Variants in FUT8 observed in about 807,000 individuals in gnomAD.
FUT8 encodes the protein alpha-(1,6)-fucosyltransferase.
A neutral mutation model predicts 71.3 loss-of-function variants in FUT8; 29 were observed. The observed-to-expected ratio is 0.41, with a 90% CI of 0.30 to 0.55. The LOEUF (loss-of-function observed/expected upper bound fraction) is 0.55. Ranked by LOEUF, FUT8 falls within the 20% of genes least tolerant of loss-of-function variation. The pLI is 0.34. For synonymous variants in FUT8, 254 were observed against 239.3 expected (o/e 1.06, Z -0.57); for missense variants, 544 against 702.1 (o/e 0.77, Z 2.55).
At chr14:65,632,727 C>T (rs1890258724) in intron 6 of FUT8, among the ~76,000 whole-genome samples, 2 of 151,830 alleles carry the variant, frequency 1.3e-5, no homozygotes, top group African/African-American at 4.9e-5. Context: ...TTAATTACCT[C>T]TGAGCTATTT....
chr14:65,679,989 G>A (rs1342723294), intron 7 of FUT8, among the ~76,000 whole-genome samples: 1 of 152,192 alleles, frequency 6.6e-6, no homozygotes, highest in Admixed American at 6.5e-5. Flanking sequence ...AGGAACCATT[G>A]TATATGGCCC....
chr14:65,581,462 C>T (rs1887084378), intron 3 of FUT8, among the ~76,000 whole-genome samples: 1 of 152,042 alleles, frequency 6.6e-6, no homozygotes, highest in African/African-American at 2.4e-5. Context: ...TATGATGGGA[C>T]TGAGGTTCAG....
Position 65,742,397 on chromosome 14 carries a change from A to C in FUT8, c.1715A>C (p.Glu572Ala). The change falls in exon 11 of 11, where the codon GAG becomes GCG. Residue 572 changes from glutamate to alanine, a missense_variant. Physicochemically the swap from Glu to Ala is moderately radical, Grantham distance 107 (BLOSUM62 -1). Coordinates refer to ENST00000673929, the MANE Select transcript of FUT8 (RefSeq NM_001371533.1). ...ACGGTCAAGTACCCCACATATCCTGAGGCTGAGAAATAAAGCTCAGATGGA... is the reference window on the plus strand; with the variant it reads ...ACGGTCAAGTACCCCACATATCCTGCGGCTGAGAAATAAAGCTCAGATGGA... ...IETVKYPTYP[E>A]AEK 6.2e-7 allele frequency: 1 copy of C among 1,610,738 alleles called. No individual in the cohort carries two copies. The highest frequency in any genetic ancestry group is 1.7e-5 in the Admixed American group (1 of 59,702).
Position 65,513,184 on chromosome 14 carries a change from A to G in FUT8, c.-227-48153A>G, listed in dbSNP as rs114910364. Among the ~76,000 whole-genome samples, 1,075 of 152,296 alleles carry G rather than the reference A, an allele frequency of 7.1e-3. 12 individuals carry two copies. Among genetic ancestry groups the G allele is most frequent in the African/African-American group, 0.023 (971 of 41,570 alleles). On this transcript the variant is annotated intron_variant, in intron 2 of 10. Coordinates refer to ENST00000673929, the MANE Select transcript of FUT8 (RefSeq NM_001371533.1). Reference sequence around the variant, plus strand: ...GTCTGATTCTTTGCAAAGCTATTCTATCGACAAAAAGCATTCACAGTGTTT... The same window carrying G: ...GTCTGATTCTTTGCAAAGCTATTCTGTCGACAAAAAGCATTCACAGTGTTT...
chr14:65,661,454 G>C (rs569600980), intron 6 of FUT8, among the ~76,000 whole-genome samples: 6 of 152,258 alleles, frequency 3.9e-5, no homozygotes, highest in African/African-American at 1.4e-4. Flanking sequence ...AAGGCAGCTG[G>C]AGATATTATG....
chr14:65,675,130 T>C (rs1594885615), intron 7 of FUT8, among the ~76,000 whole-genome samples: 1 of 152,214 alleles, frequency 6.6e-6, no homozygotes, highest in East Asian at 1.9e-4. Flanking sequence ...CTTAAGGAGA[T>C]AGAAGTCTAT....
chr14:65,679,330 T>C (rs1243000546), intron 7 of FUT8, among the ~76,000 whole-genome samples: 1 of 152,222 alleles, frequency 6.6e-6, no homozygotes, highest in East Asian at 1.9e-4. Context: ...GCCACCCAAA[T>C]TGAGACATTA....
the FUT8 span, among the ~76,000 whole-genome samples, chr14:65,363,673 G>C: frequency 6.6e-6 from 1 of 152,272 alleles, no homozygotes; most frequent in South Asian, 2.1e-4. Flanking sequence ...GGGACACAGA[G>C]AAGAATCTGA....
intron 3 of FUT8, among the ~76,000 whole-genome samples, chr14:65,605,535 A>T (rs945300687): frequency 3.3e-5 from 5 of 152,010 alleles, no homozygotes; most frequent in African/African-American, 1.2e-4. Context: ...AGACAGAGGA[A>T]AGACATGTTG....
At chr14:65,634,443 C>T (rs1345538808) in intron 6 of FUT8, among the ~76,000 whole-genome samples, 2 of 152,028 alleles carry the variant, frequency 1.3e-5, no homozygotes, top group East Asian at 1.9e-4. Context: ...CTGCAGGGTC[C>T]TCTGCCTAGG....
chr14:65,726,233 A>G (rs1018953200), intron 9 of FUT8, among the ~76,000 whole-genome samples: 12 of 152,224 alleles, frequency 7.9e-5, no homozygotes, highest in African/African-American at 2.9e-4. Flanking sequence ...CTACTCTTTC[A>G]CTTGTTCTGG....
chr14:65,443,452 G>A (rs552271026), intron 1 of FUT8, among the ~76,000 whole-genome samples: 1 of 150,854 alleles, frequency 6.6e-6, no homozygotes, highest in Non-Finnish European at 1.5e-5. Context: ...TGGGTGCAGT[G>A]GCTCACACCT....
chr14:65,661,355 A>G (rs927103022), intron 6 of FUT8, among the ~76,000 whole-genome samples: 2 of 152,150 alleles, frequency 1.3e-5, no homozygotes, highest in African/African-American at 4.8e-5. Flanking sequence ...CTGTTAATTT[A>G]TTTTTATGAC....
chr14:65,532,984 A>G (rs1048937172), intron 2 of FUT8, among the ~76,000 whole-genome samples: 4 of 151,908 alleles, frequency 2.6e-5, no homozygotes, highest in Non-Finnish European at 4.4e-5. Context: ...GTTCTGTTCC[A>G]TTGGTCTGTG....
At chr14:65,412,130 G>C (rs1023251253), upstream of FUT8, 3 of 434,350 alleles carry the variant, frequency 6.9e-6, no homozygotes, top group Non-Finnish European at 1.4e-5. Context: ...AGGCCCTCGT[G>C]GGGGGGGTCT....
At position 65,576,696 on chromosome 14, in the gene FUT8, C is replaced by CTTTTTTT. The variant is rs376473739; in HGVS notation, c.203+14965_203+14971dup. ...GGTGTGTGCCATGATGCCCAGCTTG[C>CTTTTTTT]TTTTTTTTTTTTTTTTTTTTTTTTT... On this transcript the variant is annotated intron_variant, in intron 3 of 10. Transcript: ENST00000673929. 3.3e-4 allele frequency among the ~76,000 whole-genome samples: 32 copies of CTTTTTTT among 96,210 alleles called. 3 individuals carry two copies. Among genetic ancestry groups the CTTTTTTT allele is most frequent in the African/African-American group, 6.9e-4 (11 of 15,906 alleles). 63.1% of individuals were successfully genotyped at this position (96,210 alleles called of 152,430 possible).
chr14:65,377,082 G>T, the FUT8 span, among the ~76,000 whole-genome samples: 8 of 152,102 alleles, frequency 5.3e-5, no homozygotes, highest in African/African-American at 1.9e-4. Context: ...TCCTGCTCAG[G>T]CCCCCTCCCC....
chr14:65,460,739 A>G (rs2065958170), intron 2 of FUT8, among the ~76,000 whole-genome samples: 1 of 152,188 alleles, frequency 6.6e-6, no homozygotes, highest in Non-Finnish European at 1.5e-5. Flanking sequence ...AGAGAGGTCA[A>G]AATTTGAGAA....
chr14:65,540,887 T>C (rs1884640166), intron 2 of FUT8, among the ~76,000 whole-genome samples: 1 of 152,210 alleles, frequency 6.6e-6, no homozygotes, highest in Non-Finnish European at 1.5e-5. Flanking sequence ...AAAGGAAATA[T>C]GTAATAATTC....
Sources: gnomAD v4.1 joint callset for allele counts (sites outside exome capture counted in the v4.1 genomes callset) on GRCh38, gnomAD v4.1.1 for gene constraint, MANE v1.5 for transcripts, NCBI Gene and HGNC (gene_info 2026-07-23, HGNC 2026-07-21) for gene names.